The following TMTC2 variants were observed in gnomAD, a reference collection of about 807,000 sequenced individuals.
TMTC2 encodes protein O-mannosyl-transferase TMTC2.
A neutral mutation model predicts 82.4 loss-of-function variants in TMTC2; 43 were observed. That is an observed-to-expected ratio of 0.52 (90% CI 0.41 to 0.67). The LOEUF (loss-of-function observed/expected upper bound fraction) is 0.67. Among genes scored for constraint, TMTC2 ranks in the 30% least tolerant of loss-of-function variants. The probability of loss-of-function intolerance (pLI) is 0.00; values close to 1 mark genes in which losing one functional copy is unlikely to be tolerated. For synonymous variants in TMTC2, 408 were observed against 381.9 expected (o/e 1.07, Z -0.80); for missense variants, 919 against 1,012.4 (o/e 0.91, Z 1.25).
At chr12:83,080,641 A>G (rs77387688) in intron 11 of TMTC2, among the ~76,000 whole-genome samples, 258 of 152,320 alleles carry the variant, frequency 1.7e-3, no homozygotes, top group Admixed American at 3.6e-3. Context: ...ACCTGTGTCT[A>G]AACTCCCTAC....
chr12:82,769,343 G>A (rs1189438649), intron 1 of TMTC2, among the ~76,000 whole-genome samples: 1 of 151,922 alleles, frequency 6.6e-6, no homozygotes, highest in Non-Finnish European at 1.5e-5. Flanking sequence ...AGGCGTGGTG[G>A]CAGGTGCCTG....
At chr12:82,774,897 G>A (rs956073684) in intron 1 of TMTC2, among the ~76,000 whole-genome samples, 1 of 151,804 alleles carries the variant, frequency 6.6e-6, no homozygotes, top group Non-Finnish European at 1.5e-5. Context: ...TGACAGGGAG[G>A]GTGAGAAACA....
At chr12:82,835,018 T>C (rs1202553449) in intron 1 of TMTC2, among the ~76,000 whole-genome samples, 2 of 152,030 alleles carry the variant, frequency 1.3e-5, no homozygotes, top group African/African-American at 4.8e-5. Flanking sequence ...TGCACCACCA[T>C]GCCCAGCTAA....
intron 1 of TMTC2, among the ~76,000 whole-genome samples, chr12:82,736,981 T>C (rs1875159871): frequency 6.6e-6 from 1 of 152,214 alleles, no homozygotes; most frequent in Non-Finnish European, 1.5e-5. Context: ...TTAGACATTC[T>C]TAAATCACAT....
intron 1 of TMTC2, among the ~76,000 whole-genome samples, chr12:82,832,145 C>A (rs1869783437): frequency 6.6e-6 from 1 of 152,140 alleles, no homozygotes; most frequent in African/African-American, 2.4e-5. Flanking sequence ...ATAACCATTT[C>A]TTTTCACGGA....
At chr12:83,089,846 A>C (rs905008207) in intron 11 of TMTC2, among the ~76,000 whole-genome samples, 2 of 149,428 alleles carry the variant, frequency 1.3e-5, no homozygotes, top group Non-Finnish European at 3.0e-5. Context: ...AAAACAAAAA[A>C]CAAAAAAAAA....
chr12:82,867,452 G>C (rs1871925381), intron 2 of TMTC2, among the ~76,000 whole-genome samples: 2 of 152,006 alleles, frequency 1.3e-5, no homozygotes, highest in African/African-American at 4.8e-5. Flanking sequence ...GATAACATGG[G>C]GAAAATGAAG....
chr12:82,816,793 A>G (rs1270578487), intron 1 of TMTC2, among the ~76,000 whole-genome samples: 3 of 152,138 alleles, frequency 2.0e-5, no homozygotes, highest in South Asian at 4.1e-4. Flanking sequence ...GGAAAAATTC[A>G]AAAAGATTCT....
intron 4 of TMTC2, among the ~76,000 whole-genome samples, chr12:82,937,748 G>GTA: frequency 1.1e-5 from 1 of 92,374 alleles, no homozygotes; most frequent in East Asian, 2.5e-4. Flanking sequence ...GTGTGTGTGT[G>GTA]TGTATATATA....
In TMTC2 at chr12:82,930,311, C is replaced by T. The variant is rs552825003; in HGVS notation, c.1484-120C>T. 2,741 of 556,102 alleles carry T rather than the reference C, an allele frequency of 4.9e-3. 11 individuals carry two copies. The highest frequency in any genetic ancestry group is 6.5e-3 in the Non-Finnish European group (2,008 of 308,626). 34.4% of individuals were successfully genotyped at this position (556,102 alleles called of 1,614,324 possible). A position where few individuals can be genotyped will look rare whatever the true frequency, so the allele number is the denominator to read the frequency against. Reference sequence around the variant, plus strand: ...TTAGAGTATAAAGGAAATACATTTTCCTTCTTAAAAATGTTTTATGATGGT... The same window carrying T: ...TTAGAGTATAAAGGAAATACATTTTTCTTCTTAAAAATGTTTTATGATGGT... On this transcript the variant is annotated intron_variant, in intron 3 of 11. Coordinates refer to ENST00000321196, the MANE Select transcript of TMTC2 (RefSeq NM_152588.3).
At chr12:83,084,545 A>G (rs528494212) in intron 11 of TMTC2, among the ~76,000 whole-genome samples, 216 of 152,358 alleles carry the variant, frequency 1.4e-3, no homozygotes, top group African/African-American at 4.7e-3. Context: ...AAACATTTCA[A>G]TGCTGAAAAC....
At chr12:82,707,825 CCTCTT>C (rs1873435689) in intron 1 of TMTC2, among the ~76,000 whole-genome samples, 1 of 152,300 alleles carries the variant, frequency 6.6e-6, no homozygotes, top group South Asian at 2.1e-4. Flanking sequence ...CCTATGAAGT[CCTCTT>C]CTGTTCTACT....
intron 11 of TMTC2, among the ~76,000 whole-genome samples, chr12:83,109,950 A>G (rs1884543848): frequency 2.0e-5 from 3 of 152,234 alleles, no homozygotes; most frequent in South Asian, 2.1e-4. Flanking sequence ...ATGGGTGACA[A>G]TTGTACTGTA....
intron 2 of TMTC2, among the ~76,000 whole-genome samples, chr12:82,886,168 T>C (rs149082985): frequency 3.9e-4 from 60 of 152,314 alleles, no homozygotes; most frequent in Non-Finnish European, 7.8e-4. Context: ...CTTGGACATA[T>C]CTGTATCAGT....
At chr12:82,706,356 G>GA (rs1873357569) in intron 1 of TMTC2, among the ~76,000 whole-genome samples, 1 of 148,928 alleles carries the variant, frequency 6.7e-6, no homozygotes, top group Admixed American at 6.7e-5. Context: ...TGAGAGAGAG[G>GA]AATATTTCAG....
rs142307586 is a variant in TMTC2, at chr12:83,132,729, T to G, written c.*340T>G. The G allele has an allele frequency of 4.7e-4, 118 of 250,684 alleles. 4 individuals carry two copies. The East Asian group carries it at 0.016, about 34-fold the overall frequency. The allele number at this position is 250,684 out of a possible 1,614,324, so 15.5% of individuals were successfully genotyped here. Reference sequence around the variant, plus strand: ...TTTCTGAAAGCTAATTTCAAAATTATGTTGTTCCTTAAACACTGTGAGAGG... The same window carrying G: ...TTTCTGAAAGCTAATTTCAAAATTAGGTTGTTCCTTAAACACTGTGAGAGG... On this transcript the variant is annotated 3_prime_UTR_variant, in exon 12 of 12. Transcript: ENST00000321196.
At chr12:82,970,511 T>A (rs906605548) in intron 7 of TMTC2, among the ~76,000 whole-genome samples, 5 of 148,158 alleles carry the variant, frequency 3.4e-5, no homozygotes, top group Non-Finnish European at 7.4e-5. Context: ...TTTTTTGTAT[T>A]TTTAGTAGAG....
chr12:83,110,280 G>A (rs1158186483), intron 11 of TMTC2, among the ~76,000 whole-genome samples: 1 of 152,158 alleles, frequency 6.6e-6, no homozygotes, highest in Non-Finnish European at 1.5e-5. Context: ...TAATCCAGCA[G>A]TTACACTTCC....
intron 1 of TMTC2, among the ~76,000 whole-genome samples, chr12:82,701,872 A>G (rs1344460942): frequency 6.6e-6 from 1 of 152,166 alleles, no homozygotes; most frequent in South Asian, 2.1e-4. Context: ...GTATTAACTT[A>G]AAATGTTAAC....
Sources: allele counts gnomAD v4.1 joint callset (sites outside exome capture counted in the v4.1 genomes callset), GRCh38; gene constraint gnomAD v4.1.1; transcripts MANE v1.5; gene names NCBI Gene and HGNC (gene_info 2026-07-23, HGNC 2026-07-21).